The following TMOD1 variants were observed in gnomAD, a reference collection of about 807,000 sequenced individuals.
The protein encoded by TMOD1 is tropomodulin-1.
TMOD1 carries 17 observed loss-of-function variants against 40.6 expected under a neutral mutation model. That is an observed-to-expected ratio of 0.42 (90% CI 0.29 to 0.63). The LOEUF is 0.63. TMOD1 is among the 20% of genes least tolerant of loss of function. The probability of loss-of-function intolerance (pLI) is 0.22; values close to 1 mark genes in which losing one functional copy is unlikely to be tolerated. For missense variants in TMOD1, 391 were observed against 447.6 expected (o/e 0.87, Z 1.14); for synonymous variants, 181 against 175.0 (o/e 1.03, Z -0.27).
chr9:97,505,566 G>C (rs1048066053), intron 1 of TMOD1, among the ~76,000 whole-genome samples: 9 of 152,156 alleles, frequency 5.9e-5, no homozygotes, highest in African/African-American at 1.9e-4. Context: ...TCGCTTTGCT[G>C]TTGGTGCCTT....
intron 1 of TMOD1, among the ~76,000 whole-genome samples, 188 bp downstream of exon 1, chr9:97,501,991 G>A (rs919431480): frequency 6.6e-6 from 1 of 151,972 alleles, no homozygotes; most frequent in Non-Finnish European, 1.5e-5. Context: ...CCCGGGTCTC[G>A]GGGTTCCGAG....
intron 2 of TMOD1, among the ~76,000 whole-genome samples, chr9:97,539,031 A>AAAACT (rs1297040728): frequency 6.6e-6 from 1 of 150,692 alleles, no homozygotes; most frequent in African/African-American, 2.4e-5. Flanking sequence ...AAAACAAAAC[A>AAAACT]AACAAACAAA....
chr9:97,586,386 G>A (rs1319561693), intron 8 of TMOD1, among the ~76,000 whole-genome samples: 11 of 151,622 alleles, frequency 7.3e-5, no homozygotes, highest in African/African-American at 1.9e-4. Flanking sequence ...CTGCGTGCTG[G>A]GAGAACCACT....
rs77148767 is a variant in TMOD1, at chr9:97,515,925, C to T, written c.-48-8216C>T. Among the ~76,000 whole-genome samples, 1,160 of 152,300 alleles carry T rather than the reference C, an allele frequency of 7.6e-3. 17 individuals carry two copies. The highest frequency in any genetic ancestry group is 0.027 in the African/African-American group (1,119 of 41,550). On this transcript the variant is annotated intron_variant, in intron 1 of 9. Transcript: ENST00000259365. ...ATAAAAGTAGTTATATTTTTATGCGCTGCAAAGGTCTCTGCACATCGGAGG... is the reference window on the plus strand; with the variant it reads ...ATAAAAGTAGTTATATTTTTATGCGTTGCAAAGGTCTCTGCACATCGGAGG...
chr9:97,520,153 G>T (rs188034517), intron 1 of TMOD1, among the ~76,000 whole-genome samples: 4 of 152,208 alleles, frequency 2.6e-5, no homozygotes, highest in Non-Finnish European at 1.5e-5. Flanking sequence ...CTTTCTCAGA[G>T]CCTGAGATCT....
intron 5 of TMOD1, among the ~76,000 whole-genome samples, chr9:97,563,160 C>T (rs1455281538): frequency 6.6e-6 from 1 of 152,164 alleles, no homozygotes; most frequent in African/African-American, 2.4e-5. Flanking sequence ...CTTAAGCGAT[C>T]CTCCCACCTC....
intron 8 of TMOD1, among the ~76,000 whole-genome samples, chr9:97,569,278 C>T (rs1830782973): frequency 6.6e-6 from 1 of 152,208 alleles, no homozygotes; most frequent in Admixed American, 6.5e-5. Context: ...GGGACACACT[C>T]CTTACCAACA....
intron 2 of TMOD1, among the ~76,000 whole-genome samples, chr9:97,530,787 CTT>C (rs57086657): frequency 7.7e-5 from 7 of 90,894 alleles, no homozygotes; most frequent in Admixed American, 1.5e-4. Context: ...CCGGGCCCGG[CTT>C]TTTTTTTTTT....
At chr9:97,553,250 C>T (rs1268684465) in intron 3 of TMOD1, 31 bp from the exon 4 acceptor site, 1 of 1,612,850 alleles carries the variant, frequency 6.2e-7, no homozygotes, top group Non-Finnish European at 8.5e-7. Context: ...ATTGCAGCCA[C>T]TCCCGTAACA....
At chr9:97,517,342 A>T (rs888033773) in intron 1 of TMOD1, among the ~76,000 whole-genome samples, 2 of 151,980 alleles carry the variant, frequency 1.3e-5, no homozygotes, top group Non-Finnish European at 2.9e-5. Context: ...GGGGGAAAAA[A>T]AAAAAAGTTT....
At chr9:97,510,500 G>A (rs1463720434) in intron 1 of TMOD1, among the ~76,000 whole-genome samples, 1 of 152,160 alleles carries the variant, frequency 6.6e-6, no homozygotes, top group East Asian at 1.9e-4. Flanking sequence ...CAAAGTGCTG[G>A]GATTACAGGC....
intron 1 of TMOD1, among the ~76,000 whole-genome samples, chr9:97,504,449 T>C (rs1041843178): frequency 1.3e-5 from 2 of 152,154 alleles, no homozygotes; most frequent in African/African-American, 4.8e-5. Context: ...GCAGGCATTC[T>C]AGGATAAAGA....
At chr9:97,556,696 A>AG (rs1372588849) in intron 4 of TMOD1, among the ~76,000 whole-genome samples, 1 of 152,218 alleles carries the variant, frequency 6.6e-6, no homozygotes, top group Non-Finnish European at 1.5e-5. Flanking sequence ...AACAAACACC[A>AG]GGTAAGTATG....
intron 8 of TMOD1, among the ~76,000 whole-genome samples, chr9:97,573,054 C>T (rs1442050235): frequency 6.6e-6 from 1 of 152,256 alleles, no homozygotes; most frequent in East Asian, 1.9e-4. Context: ...AGGCCACAGG[C>T]CAGGTTAGTG....
At chr9:97,569,601 G>A (rs765169172) in intron 8 of TMOD1, among the ~76,000 whole-genome samples, 53 of 152,042 alleles carry the variant, frequency 3.5e-4, no homozygotes, top group Non-Finnish European at 6.6e-4. Flanking sequence ...TTTTATCTGC[G>A]GGGCAACTCT....
chr9:97,523,399 C>G (rs1321837120), intron 1 of TMOD1, among the ~76,000 whole-genome samples: 1 of 152,144 alleles, frequency 6.6e-6, no homozygotes, highest in Non-Finnish European at 1.5e-5. Context: ...AATGGGGGCT[C>G]TGGACTAGGC....
At chr9:97,545,843 T>A (rs1362184945) in intron 2 of TMOD1, among the ~76,000 whole-genome samples, 1 of 152,180 alleles carries the variant, frequency 6.6e-6, no homozygotes, top group East Asian at 1.9e-4. Context: ...CAGCAGATGC[T>A]CTTTCAGTGC....
At chr9:97,536,827 A>G (rs1830192772) in intron 2 of TMOD1, among the ~76,000 whole-genome samples, 1 of 152,046 alleles carries the variant, frequency 6.6e-6, no homozygotes, top group Admixed American at 6.5e-5. Flanking sequence ...GGAACCTGGG[A>G]CCGCCAGAGC....
chr9:97,523,132 A>G (rs1829943614), intron 1 of TMOD1, among the ~76,000 whole-genome samples: 1 of 152,236 alleles, frequency 6.6e-6, no homozygotes, highest in African/African-American at 2.4e-5. Context: ...GGTATAAAAA[A>G]GGGGAAAAAA....
Sources: allele counts gnomAD v4.1 joint callset (sites outside exome capture counted in the v4.1 genomes callset), GRCh38; gene constraint gnomAD v4.1.1; transcripts MANE v1.5; gene names NCBI Gene and HGNC (gene_info 2026-07-23, HGNC 2026-07-21).